The following CDH8 variants were observed in gnomAD, a reference collection of about 807,000 sequenced individuals.
The protein encoded by CDH8 is cadherin-8.
A neutral mutation model predicts 68.1 loss-of-function variants in CDH8; 17 were observed. The observed-to-expected ratio is 0.25, with a 90% CI of 0.17 to 0.37. CDH8 has a LOEUF of 0.37. Ranked by LOEUF, CDH8 falls within the 10% of genes least tolerant of loss-of-function variation. The pLI, the probability that CDH8 is intolerant of heterozygous loss-of-function variation, is 1.00. For synonymous variants in CDH8, 372 were observed against 365.1 expected (o/e 1.02, Z -0.21); for missense variants, 763 against 999.3 (o/e 0.76, Z 3.19).
At chr16:61,845,776 T>A (rs1471290365) in intron 4 of CDH8, among the ~76,000 whole-genome samples, 1 of 152,142 alleles carries the variant, frequency 6.6e-6, no homozygotes, top group African/African-American at 2.4e-5. Flanking sequence ...TATATAGCCA[T>A]ATGTGTCTTA....
chr16:61,735,867 G>C (rs1959663934), intron 8 of CDH8, among the ~76,000 whole-genome samples: 1 of 151,982 alleles, frequency 6.6e-6, no homozygotes, highest in African/African-American at 2.4e-5. Context: ...TAGGTCAAGA[G>C]ATCGAGACCA....
intron 7 of CDH8, among the ~76,000 whole-genome samples, chr16:61,790,051 T>C (rs187794804): frequency 2.0e-5 from 3 of 152,190 alleles, no homozygotes; most frequent in Admixed American, 6.6e-5. Context: ...AATTGGATAG[T>C]TGTTGATTTT....
chr16:61,841,822 T>G (rs2143008463), intron 4 of CDH8, among the ~76,000 whole-genome samples: 1 of 152,160 alleles, frequency 6.6e-6, no homozygotes, highest in South Asian at 2.1e-4. Flanking sequence ...TTTTAAATAA[T>G]AATAAGACAA....
chr16:61,746,983 G>A (rs562572808), intron 8 of CDH8, among the ~76,000 whole-genome samples: 2 of 152,142 alleles, frequency 1.3e-5, no homozygotes, highest in Non-Finnish European at 2.9e-5. Context: ...AATGATTATA[G>A]TACAACCCAC....
rs534976573 is a variant in CDH8 at position 61,913,372 on chromosome 16, G to C, written c.253-11899C>G. Reference sequence around the variant, plus strand: ...TTAGGGATGCTCAATTTGTCATCTAGATTATTTAAAATATACAGGAGGATG... The same window carrying C: ...TTAGGGATGCTCAATTTGTCATCTACATTATTTAAAATATACAGGAGGATG... On this transcript the variant is annotated intron_variant, in intron 2 of 11. Transcript: ENST00000577390. 3.9e-5 allele frequency among the ~76,000 whole-genome samples: 6 copies of C among 152,192 alleles called. No homozygotes were observed. In the South Asian group the frequency reaches 1.2e-3, roughly 32 times the overall value.
At chr16:61,783,845 A>G (rs1055397250) in intron 8 of CDH8, among the ~76,000 whole-genome samples, 28 of 152,282 alleles carry the variant, frequency 1.8e-4, no homozygotes, top group Non-Finnish European at 3.7e-4. Flanking sequence ...TAAGCTTCAT[A>G]AGTGAAGGAG....
intron 8 of CDH8, among the ~76,000 whole-genome samples, chr16:61,781,636 T>C (rs1389878210): frequency 2.6e-5 from 4 of 152,140 alleles, no homozygotes; most frequent in African/African-American, 7.2e-5. Context: ...TACTAGATTG[T>C]TTTCAGTATA....
At chr16:61,746,345 G>A (rs1960019834) in intron 8 of CDH8, among the ~76,000 whole-genome samples, 1 of 152,096 alleles carries the variant, frequency 6.6e-6, no homozygotes, top group Non-Finnish European at 1.5e-5. Context: ...TGCCCTGTGA[G>A]TTGAATCAGT....
At chr16:61,792,445 G>T (rs912773728) in intron 7 of CDH8, among the ~76,000 whole-genome samples, 1 of 151,918 alleles carries the variant, frequency 6.6e-6, no homozygotes, top group Non-Finnish European at 1.5e-5. Flanking sequence ...TATGATAACA[G>T]CTCCCAAGAA....
At chr16:62,005,165 G>A (rs1444805598) in intron 2 of CDH8, among the ~76,000 whole-genome samples, 1 of 152,162 alleles carries the variant, frequency 6.6e-6, no homozygotes, top group Non-Finnish European at 1.5e-5. Flanking sequence ...ACATAACTGT[G>A]TCCCAGTACT....
At chr16:61,759,469 G>A (rs999442171) in intron 8 of CDH8, among the ~76,000 whole-genome samples, 2 of 151,924 alleles carry the variant, frequency 1.3e-5, no homozygotes, top group East Asian at 1.9e-4. Flanking sequence ...GAGAAGGGGA[G>A]GATGGGAACA....
intron 5 of CDH8, 57 bp from the exon 6 acceptor site, chr16:61,821,170 A>T (rs1282852520): frequency 4.4e-6 from 6 of 1,375,820 alleles, no homozygotes; most frequent in Non-Finnish European, 6.0e-6. Flanking sequence ...TCATTCATTC[A>T]TATGGCAAAT....
intron 4 of CDH8, among the ~76,000 whole-genome samples, chr16:61,835,058 T>G (rs1962539848): frequency 6.6e-6 from 1 of 151,998 alleles, no homozygotes; most frequent in South Asian, 2.1e-4. Context: ...GTAAGATATT[T>G]GTCCAACAAT....
rs1226050106 is a variant in CDH8, at chr16:61,653,801, G to A, written c.2207C>T (p.Pro736Leu). Residue 736 changes from proline (P) to leucine (L), a missense_variant, in exon 12 of 12, where the codon CCC becomes CTC. Physicochemically the swap from Pro to Leu is moderately conservative, Grantham distance 98 (BLOSUM62 -3). This residue lies in a region of CDH8 where 397 missense variants were observed against 436.2 expected (regional missense o/e 0.91). Transcript: ENST00000577390. ...AATGGAGTCATATGGCGGGGCCGTGGGATCATTATCTGCCTCATGCAGCCT... is the reference window on the plus strand; with the variant it reads ...AATGGAGTCATATGGCGGGGCCGTGAGATCATTATCTGCCTCATGCAGCCT... ...NVRLHEADND[P>L]TAPPYDSIQI... The A allele has an allele frequency of 1.9e-6, 3 of 1,613,998 alleles. No individual in the cohort carries two copies. The highest frequency in any genetic ancestry group is 2.5e-6 in the Non-Finnish European group (3 of 1,180,040).
chr16:61,778,381 T>C (rs1248766525), intron 8 of CDH8, among the ~76,000 whole-genome samples: 1 of 152,074 alleles, frequency 6.6e-6, no homozygotes, highest in Non-Finnish European at 1.5e-5. Context: ...CAATCTACCA[T>C]GCCTCAACCA....
intron 2 of CDH8, among the ~76,000 whole-genome samples, chr16:61,960,390 TAC>T (rs568068618): frequency 1.6e-5 from 2 of 127,680 alleles, no homozygotes; most frequent in South Asian, 5.0e-4. Context: ...TGTGTGTGTA[TAC>T]ACATACATAT....
intron 10 of CDH8, among the ~76,000 whole-genome samples, chr16:61,668,508 C>G (rs1963725079): frequency 6.6e-6 from 1 of 151,950 alleles, no homozygotes; most frequent in African/African-American, 2.4e-5. Context: ...ATTAACTAAC[C>G]CACTAAAGTG....
chr16:61,693,992 A>AT (rs1302320895), intron 10 of CDH8, among the ~76,000 whole-genome samples: 2 of 152,128 alleles, frequency 1.3e-5, no homozygotes, highest in Admixed American at 6.5e-5. Flanking sequence ...CCTTAAAATC[A>AT]TTTTTATGAT....
At chr16:61,773,680 G>A (rs894435275) in intron 8 of CDH8, among the ~76,000 whole-genome samples, 2 of 152,050 alleles carry the variant, frequency 1.3e-5, no homozygotes, top group African/African-American at 4.8e-5. Flanking sequence ...CACAGTGCCT[G>A]GCCCAAAGAT....
Sources: allele counts gnomAD v4.1 joint callset (sites outside exome capture counted in the v4.1 genomes callset), GRCh38; gene constraint gnomAD v4.1.1; regional missense constraint gnomAD v4.1.1; transcripts MANE v1.5; gene names NCBI Gene and HGNC (gene_info 2026-07-23, HGNC 2026-07-21).